CERT1: variants seen among roughly 807,000 people sequenced by gnomAD.
The protein encoded by CERT1 is ceramide transfer protein.
A neutral mutation model predicts 87.9 loss-of-function variants in CERT1; 31 were observed. The observed-to-expected ratio is 0.35, with a 90% CI of 0.27 to 0.48. CERT1 has a LOEUF of 0.48. CERT1 is among the 20% of genes least tolerant of loss of function. The pLI is 0.99. For missense variants in CERT1, 487 were observed against 758.0 expected (o/e 0.64, Z 4.20); for synonymous variants, 289 against 250.9 (o/e 1.15, Z -1.44).
chr5:75,458,029 G>A (rs571687142), intron 3 of CERT1, among the ~76,000 whole-genome samples: 38 of 151,690 alleles, frequency 2.5e-4, no homozygotes, highest in African/African-American at 8.7e-4. Context: ...CAAAACAGGT[G>A]TTTCAACTAC....
intron 2 of CERT1, among the ~76,000 whole-genome samples, chr5:75,467,816 T>C (rs1041026591): frequency 2.0e-5 from 3 of 151,898 alleles, no homozygotes; most frequent in African/African-American, 7.3e-5. Flanking sequence ...TTAAGGTGAG[T>C]TGTACCAATG....
chr5:75,404,335 A>T (rs532003911), intron 8 of CERT1, among the ~76,000 whole-genome samples: 1 of 152,086 alleles, frequency 6.6e-6, no homozygotes, highest in African/African-American at 2.4e-5. Flanking sequence ...TTCAGATACA[A>T]CAAACATACA....
intron 3 of CERT1, among the ~76,000 whole-genome samples, chr5:75,456,282 G>A (rs541698437): frequency 6.6e-6 from 1 of 152,074 alleles, no homozygotes; most frequent in South Asian, 2.1e-4. Context: ...TGCTCAGTTG[G>A]CATACATCAC....
intron 3 of CERT1, among the ~76,000 whole-genome samples, chr5:75,444,502 A>C (rs896945030): frequency 6.7e-6 from 1 of 150,072 alleles, no homozygotes; most frequent in African/African-American, 2.5e-5. Context: ...CATTTCCTGC[A>C]TCACTGTCTA....
intron 11 of CERT1, among the ~76,000 whole-genome samples, chr5:75,391,049 A>G (rs1324062238): frequency 6.6e-6 from 1 of 151,442 alleles, no homozygotes; most frequent in Non-Finnish European, 1.5e-5. Context: ...CACTGCCACT[A>G]CAATTTCCTG....
chr5:75,457,851 G>C (rs184419271), intron 3 of CERT1, among the ~76,000 whole-genome samples: 150 of 150,644 alleles, frequency 1.0e-3, no homozygotes, highest in Middle Eastern at 3.4e-3. Flanking sequence ...TATCAATCGT[G>C]TTAGCTTTTC....
intron 2 of CERT1, among the ~76,000 whole-genome samples, chr5:75,465,706 T>G (rs1313187772): frequency 6.6e-6 from 1 of 152,222 alleles, no homozygotes; most frequent in Non-Finnish European, 1.5e-5. Context: ...TTCTGGACCC[T>G]GTAAAGCCAC....
chr5:75,447,253 A>G (rs983041171), intron 3 of CERT1, among the ~76,000 whole-genome samples: 3 of 152,046 alleles, frequency 2.0e-5, no homozygotes, highest in South Asian at 2.1e-4. Context: ...TATATCAGAC[A>G]TATCTGGCTA....
intron 1 of CERT1, among the ~76,000 whole-genome samples, chr5:75,506,778 GA>G (rs1767669215): frequency 6.6e-6 from 1 of 152,070 alleles, no homozygotes; most frequent in Non-Finnish European, 1.5e-5. Context: ...TCAAACTCAA[GA>G]GTAATAAAAC....
At chr5:75,459,228 T>C in intron 2 of CERT1, 47 bp from the exon 3 acceptor site, 1 of 1,198,238 alleles carries the variant, frequency 8.3e-7, no homozygotes, top group Non-Finnish European at 1.2e-6. Flanking sequence ...ATTATATCCT[T>C]AGAAGTGTTA....
chr5:75,449,830 T>A (rs535862910), intron 3 of CERT1, among the ~76,000 whole-genome samples: 1 of 152,150 alleles, frequency 6.6e-6, no homozygotes, highest in African/African-American at 2.4e-5. Context: ...CATTTCAGCA[T>A]CCTATTATGA....
intron 3 of CERT1, among the ~76,000 whole-genome samples, chr5:75,455,621 TA>T (rs923911204): frequency 2.6e-5 from 4 of 152,146 alleles, no homozygotes; most frequent in Non-Finnish European, 4.4e-5. Flanking sequence ...GTTACCAATA[TA>T]ATATACTGTC....
intron 2 of CERT1, among the ~76,000 whole-genome samples, chr5:75,471,261 G>A (rs1435609741): frequency 6.6e-6 from 1 of 152,164 alleles, no homozygotes; most frequent in Non-Finnish European, 1.5e-5. Context: ...AAGCTATACA[G>A]TACAGCTTAT....
intron 17 of CERT1, chr5:75,371,311 C>T (rs987223465): frequency 2.6e-5 from 4 of 152,114 alleles, no homozygotes; most frequent in Admixed American, 6.5e-5. Flanking sequence ...CCAAATACAT[C>T]GTCTGTACAA....
upstream of CERT1, chr5:75,511,929 C>T (rs1768038455): frequency 2.7e-6 from 3 of 1,118,386 alleles, no homozygotes; most frequent in African/African-American, 1.6e-5. Context: ...GTATCCCGCG[C>T]GGGGATCGCT....
At chr5:75,389,988 T>C (rs189846851) in intron 11 of CERT1, among the ~76,000 whole-genome samples, 6 of 152,310 alleles carry the variant, frequency 3.9e-5, no homozygotes, top group African/African-American at 1.4e-4. Context: ...AAATATTCCA[T>C]TCTATATCAT....
chr5:75,422,548 C>T (rs942674446), intron 5 of CERT1, among the ~76,000 whole-genome samples: 1 of 152,046 alleles, frequency 6.6e-6, no homozygotes, highest in African/African-American at 2.4e-5. Flanking sequence ...GCCTGGGGGG[C>T]GGAGGTTGCA....
intron 12 of CERT1, among the ~76,000 whole-genome samples, chr5:75,386,925 T>C (rs373535804): frequency 6.6e-6 from 1 of 152,154 alleles, no homozygotes; most frequent in East Asian, 1.9e-4. Context: ...TGGAGTGCAA[T>C]GGCGCCGTCT....
intron 2 of CERT1, among the ~76,000 whole-genome samples, chr5:75,493,271 T>A (rs1049086772): frequency 6.6e-6 from 1 of 152,242 alleles, no homozygotes; most frequent in African/African-American, 2.4e-5. Context: ...CATCAATTCA[T>A]ACCCTTCCAA....
Sources: gnomAD v4.1 joint callset for allele counts (sites outside exome capture counted in the v4.1 genomes callset) on GRCh38, gnomAD v4.1.1 for gene constraint, MANE v1.5 for transcripts, NCBI Gene and HGNC (gene_info 2026-07-23, HGNC 2026-07-21) for gene names.